The following CDH12 variants were observed in gnomAD, a reference collection of about 807,000 sequenced individuals.
CDH12 encodes the protein cadherin-12.
A neutral mutation model predicts 74.1 loss-of-function variants in CDH12; 41 were observed. That is an observed-to-expected ratio of 0.55 (90% CI 0.43 to 0.72). The LOEUF is 0.72. CDH12 is among the 30% of genes least tolerant of loss of function. The pLI is 0.00. For missense variants in CDH12, 945 were observed against 977.2 expected (o/e 0.97, Z 0.44); for synonymous variants, 399 against 355.0 (o/e 1.12, Z -1.39).
At chr5:22,221,674 A>C (rs1752019210) in intron 3 of CDH12, among the ~76,000 whole-genome samples, 1 of 151,856 alleles carries the variant, frequency 6.6e-6, no homozygotes, top group Non-Finnish European at 1.5e-5. Context: ...TAACATCTTA[A>C]ATTGATTCCA....
chr5:22,316,214 AG>A (rs1468894604), intron 3 of CDH12, among the ~76,000 whole-genome samples: 1 of 151,944 alleles, frequency 6.6e-6, no homozygotes, highest in Admixed American at 6.6e-5. Flanking sequence ...TAAAAAAAAG[AG>A]AATGCTAAGA....
chr5:22,797,926 C>T lies in CDH12; in HGVS notation c.-523+55132G>A, dbSNP rs143377099. 8.5e-5 allele frequency among the ~76,000 whole-genome samples: 13 copies of T among 152,206 alleles called. No individual in the cohort carries two copies. In the East Asian group the frequency reaches 9.7e-4, roughly 11 times the overall value. On this transcript the variant is annotated intron_variant, in intron 1 of 14. Coordinates refer to ENST00000382254, the MANE Select transcript of CDH12 (RefSeq NM_004061.5). ...CTTTTGAGGAATAAATAACCTAATGCGTTTTGGTACAGTACCATAGTTACT... is the reference window on the plus strand; with the variant it reads ...CTTTTGAGGAATAAATAACCTAATGTGTTTTGGTACAGTACCATAGTTACT...
chr5:22,597,268 T>C (rs1456570670), intron 1 of CDH12, among the ~76,000 whole-genome samples: 1 of 152,192 alleles, frequency 6.6e-6, no homozygotes, highest in African/African-American at 2.4e-5. Flanking sequence ...ATATAACAAC[T>C]AATTTTTTTA....
intron 5 of CDH12, among the ~76,000 whole-genome samples, chr5:22,003,003 A>T (rs1736691478): frequency 6.6e-6 from 1 of 152,124 alleles, no homozygotes. Context: ...AATTATTTAA[A>T]CAAAAAGGGG....
At chr5:22,654,595 G>A (rs1739928185) in intron 1 of CDH12, among the ~76,000 whole-genome samples, 1 of 146,382 alleles carries the variant, frequency 6.8e-6, no homozygotes, top group Non-Finnish European at 1.5e-5. Context: ...CGGCCTCGAT[G>A]TATTCTTTCT....
At chr5:22,623,019 C>T (rs375146619) in intron 1 of CDH12, among the ~76,000 whole-genome samples, 18 of 152,134 alleles carry the variant, frequency 1.2e-4, no homozygotes, top group Admixed American at 2.6e-4. Flanking sequence ...GTTCAACATA[C>T]GCAAATCAAT....
intron 5 of CDH12, among the ~76,000 whole-genome samples, chr5:22,056,243 G>A (rs532027671): frequency 6.6e-6 from 1 of 152,080 alleles, no homozygotes; most frequent in Admixed American, 6.6e-5. Context: ...GTCCTGATTT[G>A]TTTGTTAACA....
rs1376233061 is a variant in CDH12, at chr5:21,751,980, C to A, written c.2142G>T (p.Arg714Ser). The change falls in exon 15 of 15, where the codon AGG (arginine) becomes AGT (serine). Residue 714 changes from arginine to serine, a missense_variant. Around this residue, in one of 3 missense-constraint regions of CDH12, gnomAD observed 791 missense variants for 792.8 expected, o/e 1.00. Coordinates refer to ENST00000382254, the MANE Select transcript of CDH12 (RefSeq NM_004061.5). ...CCTGTAGCCTTTGATGAATGAAATC[C>A]CTTATGTCTGTGTTATCTTCCATGG... ...RPPMEDNTDI[R>S]DFIHQRLQEN... is the part of the protein sequence containing the mutation. 8 of 1,614,030 alleles carry A rather than the reference C, an allele frequency of 5.0e-6. No individual in the cohort carries two copies. Among genetic ancestry groups the A allele is most frequent in the Non-Finnish European group, 6.8e-6 (8 of 1,180,006 alleles).
intron 3 of CDH12, among the ~76,000 whole-genome samples, chr5:22,288,209 T>G (rs1737239394): frequency 6.6e-6 from 1 of 152,222 alleles, no homozygotes; most frequent in Non-Finnish European, 1.5e-5. Flanking sequence ...ACATCTTCTA[T>G]CTGAACCTTA....
At chr5:21,924,351 A>C (rs1473864750) in intron 6 of CDH12, among the ~76,000 whole-genome samples, 1 of 152,058 alleles carries the variant, frequency 6.6e-6, no homozygotes, top group Non-Finnish European at 1.5e-5. Flanking sequence ...CCCTGTCTCT[A>C]CTAAAAATAC....
chr5:21,940,344 G>A (rs1053214560), intron 6 of CDH12, among the ~76,000 whole-genome samples: 1 of 152,164 alleles, frequency 6.6e-6, no homozygotes, highest in African/African-American at 2.4e-5. Context: ...TGGAGGGTGG[G>A]TGAGTCTACT....
chr5:22,330,688 T>G (rs1580530784), intron 3 of CDH12, among the ~76,000 whole-genome samples: 1 of 131,116 alleles, frequency 7.6e-6, no homozygotes. Context: ...GAGGTGGAGG[T>G]AGCAGTGAGC....
At chr5:21,952,520 A>G (rs892219760) in intron 6 of CDH12, among the ~76,000 whole-genome samples, 5 of 152,324 alleles carry the variant, frequency 3.3e-5, no homozygotes, top group Admixed American at 3.3e-4. Flanking sequence ...TAACTTTCGC[A>G]TCTTGTCTTC....
intron 3 of CDH12, among the ~76,000 whole-genome samples, chr5:22,225,901 C>CTAACAA (rs1752177390): frequency 7.7e-6 from 1 of 130,064 alleles, no homozygotes; most frequent in South Asian, 2.9e-4. Context: ...TGGTTGGCCT[C>CTAACAA]TAACAATAAC....
chr5:22,828,324 T>A (rs960428755), intron 1 of CDH12, among the ~76,000 whole-genome samples: 9 of 152,232 alleles, frequency 5.9e-5, no homozygotes, highest in Non-Finnish European at 8.8e-5. Flanking sequence ...TATTTTTAAT[T>A]AGGTAATTGT....
At chr5:22,724,642 A>G (rs1333582984) in intron 1 of CDH12, among the ~76,000 whole-genome samples, 3 of 151,834 alleles carry the variant, frequency 2.0e-5, no homozygotes, top group Admixed American at 2.0e-4. Context: ...GTTTATAGGC[A>G]CTTAGGTTGG....
intron 10 of CDH12, among the ~76,000 whole-genome samples, chr5:21,790,857 A>G (rs968850353): frequency 1.3e-5 from 2 of 151,994 alleles, no homozygotes; most frequent in Non-Finnish European, 2.9e-5. Flanking sequence ...ACTTTCTAGT[A>G]CTTGAACTAT....
intron 5 of CDH12, among the ~76,000 whole-genome samples, chr5:22,039,086 T>C (rs1739392093): frequency 1.3e-5 from 2 of 152,116 alleles, no homozygotes; most frequent in Non-Finnish European, 2.9e-5. Flanking sequence ...CCACTGCACC[T>C]GGACTTACAG....
chr5:22,376,682 A>G (rs1000902649), intron 3 of CDH12, among the ~76,000 whole-genome samples: 1 of 79,760 alleles, frequency 1.3e-5, no homozygotes, highest in African/African-American at 4.2e-5. Flanking sequence ...ATGGTTGACT[A>G]ATTTTTTTTT....
Sources: allele counts gnomAD v4.1 joint callset (sites outside exome capture counted in the v4.1 genomes callset), GRCh38; gene constraint gnomAD v4.1.1; regional missense constraint gnomAD v4.1.1; transcripts MANE v1.5; gene names NCBI Gene and HGNC (gene_info 2026-07-23, HGNC 2026-07-21).